The following DGUOK variants were observed in gnomAD, a reference collection of about 807,000 sequenced individuals.
The protein encoded by DGUOK is deoxyguanosine kinase, mitochondrial.
A neutral mutation model predicts 36.6 loss-of-function variants in DGUOK; 30 were observed. The observed-to-expected ratio is 0.82, with a 90% CI of 0.61 to 1.11. The LOEUF is 1.11. DGUOK is among the 50% of genes most tolerant of loss of function. DGUOK has a pLI of 0.00. For synonymous variants in DGUOK, 145 were observed against 126.3 expected (o/e 1.15, Z -0.99); for missense variants, 361 against 336.4 (o/e 1.07, Z -0.57).
At chr2:73,928,872 CT>C (rs1259947857) in intron 1 of DGUOK, among the ~76,000 whole-genome samples, 3 of 152,154 alleles carry the variant, frequency 2.0e-5, no homozygotes, top group Non-Finnish European at 4.4e-5. Context: ...TGATTGGATT[CT>C]AGTTATACGT....
chr2:73,941,948 G>A (rs561922712), intron 2 of DGUOK, among the ~76,000 whole-genome samples: 99 of 146,472 alleles, frequency 6.8e-4, no homozygotes, highest in Admixed American at 1.8e-3. Flanking sequence ...TCGCCTTGTC[G>A]CCCAGGCTGG....
At chr2:73,956,852 G>C (rs1006416679) in intron 4 of DGUOK, among the ~76,000 whole-genome samples, 1 of 152,204 alleles carries the variant, frequency 6.6e-6, no homozygotes, top group Non-Finnish European at 1.5e-5. Flanking sequence ...GAAAAACAAG[G>C]AAAATTCCAG....
In DGUOK at chr2:73,951,857, T is replaced by C. The variant is rs539617267; in HGVS notation, c.591+1125T>C. ...GAGGGAATAAGAGATTCTACAGAAA[T>C]AAATAAGGGTTAAAGTTTAAAATGA... is the stretch of plus-strand genomic sequence containing the variant. On this transcript the variant is annotated intron_variant, in intron 4 of 6. Coordinates refer to ENST00000264093, the MANE Select transcript of DGUOK (RefSeq NM_080916.3). Among the ~76,000 whole-genome samples the C allele has an allele frequency of 3.3e-5, 5 of 152,262 alleles. No homozygotes were observed. In the East Asian group the frequency reaches 9.6e-4, roughly 29 times the overall value.
intron 4 of DGUOK, 88 bp downstream of exon 4, chr2:73,950,820 A>T: frequency 6.4e-7 from 1 of 1,559,086 alleles, no homozygotes; most frequent in Non-Finnish European, 8.8e-7. Flanking sequence ...CTGGTTGGAG[A>T]GATTAGAGCG....
rs1233893117 is a variant in DGUOK at position 73,957,124 on chromosome 2, GGTTT to G, written c.597_600del (p.Cys199Ter). The G allele has an allele frequency of 6.2e-7, 1 of 1,612,342 alleles. No individual in the cohort carries two copies. Among genetic ancestry groups the G allele is most frequent in the Non-Finnish European group, 8.5e-7 (1 of 1,178,518 alleles). On this transcript the variant is annotated frameshift_variant and splice_region_variant, in exon 5 of 7. Transcript: ENST00000264093. LOFTEE classifies it high-confidence loss of function. ...ATCAGGGCTTGGGGACTGTCTTTTA[GGTTT>G]GTTTGAAGAGACTGTACCAGAGGGC...
intron 5 of DGUOK, among the ~76,000 whole-genome samples, chr2:73,957,642 C>G (rs1011988450): frequency 6.6e-6 from 1 of 152,238 alleles, no homozygotes; most frequent in Non-Finnish European, 1.5e-5. Context: ...CCACTGTACT[C>G]CAGCCTGGGC....
At chr2:73,941,909 CT>C (rs11342540) in intron 2 of DGUOK, among the ~76,000 whole-genome samples, 80,331 of 142,500 alleles carry the variant, frequency 0.56, 22,704 homozygotes, top group Non-Finnish European at 0.63. Flanking sequence ...TTGTCATTTT[CT>C]TTTTTTTTTT....
chr2:73,941,556 G>A (rs181204914), intron 2 of DGUOK, among the ~76,000 whole-genome samples: 5 of 152,226 alleles, frequency 3.3e-5, no homozygotes, highest in Admixed American at 2.6e-4. Flanking sequence ...CCACCTGTAT[G>A]TCACTTAATA....
intron 1 of DGUOK, among the ~76,000 whole-genome samples, chr2:73,934,361 A>G (rs974307022): frequency 2.6e-4 from 39 of 152,202 alleles, no homozygotes; most frequent in African/African-American, 8.2e-4. Context: ...GGTTGTGGCA[A>G]TATAACAACA....
At chr2:73,953,280 C>G (rs62151973) in intron 4 of DGUOK, among the ~76,000 whole-genome samples, 91,439 of 134,960 alleles carry the variant, frequency 0.68, 30,023 homozygotes, top group African/African-American at 0.76. Context: ...TGATGATGAT[C>G]ATCATCATCA....
At chr2:73,933,886 A>G (rs1447543409) in intron 1 of DGUOK, among the ~76,000 whole-genome samples, 6 of 152,242 alleles carry the variant, frequency 3.9e-5, no homozygotes, top group Admixed American at 3.9e-4. Context: ...GCAGCATCAA[A>G]TACAGTATCT....
intron 1 of DGUOK, among the ~76,000 whole-genome samples, chr2:73,936,576 A>G (rs989133652): frequency 1.3e-5 from 2 of 152,296 alleles, no homozygotes; most frequent in African/African-American, 2.4e-5. Context: ...AGACATCAGC[A>G]CCCCAATCAG....
At chr2:73,955,596 C>T (rs994353219) in intron 4 of DGUOK, among the ~76,000 whole-genome samples, 3 of 152,136 alleles carry the variant, frequency 2.0e-5, no homozygotes, top group African/African-American at 4.8e-5. Flanking sequence ...AAGTCCTGGC[C>T]GGGCACGGTG....
intron 6 of DGUOK, 130 bp downstream of exon 6, chr2:73,958,375 G>A: frequency 1.3e-6 from 1 of 747,860 alleles, no homozygotes; most frequent in Non-Finnish European, 2.4e-6. Flanking sequence ...CACACTCCAA[G>A]GCCTATGGAA....
At chr2:73,958,584 C>G in intron 6 of DGUOK, 126 bp from the exon 7 acceptor site, 2 of 804,502 alleles carry the variant, frequency 2.5e-6, no homozygotes, top group South Asian at 1.4e-5. Flanking sequence ...CATTTCTTCT[C>G]CATGCCTATT....
intron 2 of DGUOK, among the ~76,000 whole-genome samples, chr2:73,939,942 C>A (rs1421146916): frequency 6.7e-6 from 1 of 149,124 alleles, no homozygotes; most frequent in African/African-American, 2.5e-5. Context: ...CATTCTGTCA[C>A]CCAGGCTGGG....
chr2:73,944,850 A>G (rs764228499), intron 2 of DGUOK, among the ~76,000 whole-genome samples: 11 of 152,098 alleles, frequency 7.2e-5, no homozygotes, highest in Admixed American at 2.0e-4. Context: ...GCTGCTCCCA[A>G]CCATCTCTAG....
At chr2:73,930,741 A>G (rs1680940393) in intron 1 of DGUOK, among the ~76,000 whole-genome samples, 1 of 150,196 alleles carries the variant, frequency 6.7e-6, no homozygotes, top group South Asian at 2.1e-4. Flanking sequence ...GGAGCTCACA[A>G]CTCACAACTA....
intron 2 of DGUOK, among the ~76,000 whole-genome samples, chr2:73,943,838 G>A (rs191100955): frequency 1.3e-5 from 2 of 152,088 alleles, no homozygotes; most frequent in Admixed American, 1.3e-4. Context: ...GTAGAGACAG[G>A]CTTTCACCAT....
Sources: allele counts gnomAD v4.1 joint callset (sites outside exome capture counted in the v4.1 genomes callset), GRCh38; gene constraint gnomAD v4.1.1; transcripts MANE v1.5; gene names NCBI Gene and HGNC (gene_info 2026-07-23, HGNC 2026-07-21).